SYT1: variants seen among roughly 807,000 people sequenced by gnomAD.
SYT1 encodes the protein synaptotagmin 1.
A neutral mutation model predicts 44.8 loss-of-function variants in SYT1; 8 were observed. The ratio of observed to expected loss-of-function variants is 0.18; its 90% CI spans 0.10 to 0.32. The LOEUF is 0.32. Among genes scored for constraint, SYT1 ranks in the 10% least tolerant of loss-of-function variants. SYT1 has a pLI of 1.00. For missense variants in SYT1, 286 were observed against 509.3 expected, an observed-to-expected ratio of 0.56 and a Z score of 4.22; for synonymous variants, 154 against 188.8, an observed-to-expected ratio of 0.82 and a Z score of 1.51.
At chr12:79,065,104 G>A (rs1339388310) in intron 3 of SYT1, among the ~76,000 whole-genome samples, 1 of 152,136 alleles carries the variant, frequency 6.6e-6, no homozygotes, top group Non-Finnish European at 1.5e-5. Flanking sequence ...CCAGCGTAGT[G>A]GCTTGTGCCT....
intron 4 of SYT1, among the ~76,000 whole-genome samples, chr12:79,281,325 A>G (rs536889015): frequency 4.9e-4 from 74 of 152,306 alleles, no homozygotes; most frequent in African/African-American, 1.7e-3. Context: ...ATATAGATAG[A>G]TAGATCATGG....
intron 3 of SYT1, among the ~76,000 whole-genome samples, chr12:79,134,985 CCA>C (rs201834566): frequency 6.1e-4 from 90 of 147,564 alleles, no homozygotes; most frequent in East Asian, 1.4e-3. Context: ...AATGTTCTCA[CCA>C]CACACACACA....
At chr12:79,179,919 G>C (rs536734494) in intron 3 of SYT1, among the ~76,000 whole-genome samples, 13 of 151,618 alleles carry the variant, frequency 8.6e-5, no homozygotes, top group African/African-American at 1.5e-4. Flanking sequence ...CTTTTTTATG[G>C]CTCCATAGTT....
At chr12:78,985,899 T>C (rs1323948554) in intron 2 of SYT1, among the ~76,000 whole-genome samples, 2 of 152,034 alleles carry the variant, frequency 1.3e-5, no homozygotes, top group African/African-American at 4.8e-5. Flanking sequence ...TCTATTTTTA[T>C]TTACCAACAA....
In SYT1 at chr12:79,233,620, C is replaced by T. The variant is rs962962294; in HGVS notation, c.166+15935C>T. On this transcript the variant is annotated intron_variant, in intron 4 of 10. Transcript: ENST00000261205. Reference sequence around the variant, plus strand: ...GATTGGAACTGTTCTGTCATCTCACCTTTCTACAGCTGCTGTCATTCATCC... The same window carrying T: ...GATTGGAACTGTTCTGTCATCTCACTTTTCTACAGCTGCTGTCATTCATCC... 9.2e-5 allele frequency among the ~76,000 whole-genome samples: 14 copies of T among 152,338 alleles called. No homozygotes were observed. The East Asian group carries it at 2.3e-3, about 25-fold the overall frequency.
chr12:78,914,073 T>C (rs1395600686), intron 1 of SYT1, among the ~76,000 whole-genome samples: 1 of 147,282 alleles, frequency 6.8e-6, no homozygotes, highest in Non-Finnish European at 1.5e-5. Context: ...TATAGGTAAA[T>C]TTATCAAAAT....
At chr12:79,131,571 T>C (rs1363415558) in intron 3 of SYT1, among the ~76,000 whole-genome samples, 1 of 152,198 alleles carries the variant, frequency 6.6e-6, no homozygotes, top group East Asian at 1.9e-4. Context: ...GATTGAACTT[T>C]AATTTTCATA....
intron 3 of SYT1, among the ~76,000 whole-genome samples, chr12:79,119,508 G>A (rs1879477276): frequency 6.6e-6 from 1 of 151,606 alleles, no homozygotes; most frequent in Admixed American, 6.6e-5. Flanking sequence ...CTTTTCTTCA[G>A]CTGAGAAGGT....
chr12:79,328,574 C>T (rs931917804), intron 8 of SYT1, among the ~76,000 whole-genome samples: 1 of 152,130 alleles, frequency 6.6e-6, no homozygotes, highest in Non-Finnish European at 1.5e-5. Flanking sequence ...TGGCCGGGTG[C>T]GGTGGCTCAC....
At chr12:79,105,172 TC>T (rs1332124329) in intron 3 of SYT1, among the ~76,000 whole-genome samples, 2 of 152,178 alleles carry the variant, frequency 1.3e-5, no homozygotes, top group Non-Finnish European at 2.9e-5. Flanking sequence ...CTCTTCCACC[TC>T]CTGTTTGTTT....
At chr12:79,442,961 A>G (rs1870512033) in intron 9 of SYT1, among the ~76,000 whole-genome samples, 2 of 152,206 alleles carry the variant, frequency 1.3e-5, no homozygotes, top group Admixed American at 1.3e-4. Flanking sequence ...GCATTACAAT[A>G]TGAAATGAAA....
intron 4 of SYT1, among the ~76,000 whole-genome samples, chr12:79,281,469 G>A (rs1453188853): frequency 6.6e-6 from 1 of 152,166 alleles, no homozygotes; most frequent in Non-Finnish European, 1.5e-5. Context: ...ACTTATAAGT[G>A]AAAGCTAAGC....
At position 79,179,438 on chromosome 12, in the gene SYT1, C is replaced by CTATAT. The variant is rs1491141173; in HGVS notation, c.-17-38065_-17-38064insTATAT. On this transcript the variant is annotated intron_variant, in intron 3 of 10. Transcript: ENST00000261205. ...TATAGATATATCTATATAGATATAT[C>CTATAT]CATATAGATATAGATATAATCTATA... Among the ~76,000 whole-genome samples, 45 of 63,302 alleles carry CTATAT rather than the reference C, an allele frequency of 7.1e-4. 5 individuals are homozygous for CTATAT. Among genetic ancestry groups the CTATAT allele is most frequent in the African/African-American group, 4.2e-3 (42 of 10,062 alleles). 41.5% of individuals were successfully genotyped at this position (63,302 alleles called of 152,430 possible). A position where few individuals can be genotyped will look rare whatever the true frequency, so the allele number is the denominator to read the frequency against.
intron 3 of SYT1, among the ~76,000 whole-genome samples, chr12:79,139,866 A>G (rs531742865): frequency 3.9e-5 from 6 of 152,350 alleles, no homozygotes; most frequent in African/African-American, 1.2e-4. Context: ...CTAGTCCTCC[A>G]TTACCAAATT....
intron 1 of SYT1, among the ~76,000 whole-genome samples, chr12:78,936,056 C>T (rs1323698800): frequency 6.6e-6 from 1 of 151,972 alleles, no homozygotes; most frequent in Non-Finnish European, 1.5e-5. Context: ...TTTTTAAAAG[C>T]TTGGAGAAAA....
At chr12:79,434,046 A>G (rs1016572712) in intron 9 of SYT1, among the ~76,000 whole-genome samples, 1 of 152,212 alleles carries the variant, frequency 6.6e-6, no homozygotes, top group African/African-American at 2.4e-5. Context: ...TTGGAATTCA[A>G]TGGTTTCCCC....
intron 8 of SYT1, among the ~76,000 whole-genome samples, chr12:79,336,564 T>C (rs1882098915): frequency 6.6e-6 from 1 of 152,144 alleles, no homozygotes; most frequent in Non-Finnish European, 1.5e-5. Flanking sequence ...ACAGAGGCCA[T>C]GGCAAGCTAG....
intron 9 of SYT1, among the ~76,000 whole-genome samples, chr12:79,388,842 A>T (rs983053968): frequency 4.6e-5 from 7 of 152,206 alleles, no homozygotes; most frequent in African/African-American, 1.7e-4. Context: ...ACGTCATGGA[A>T]ATTATTCTAT....
At chr12:79,011,901 G>A (rs1871432107) in intron 2 of SYT1, among the ~76,000 whole-genome samples, 1 of 152,034 alleles carries the variant, frequency 6.6e-6, no homozygotes, top group African/African-American at 2.4e-5. Context: ...CGGGGCTGAG[G>A]CGGGTGAATC....
Sources: gnomAD v4.1 joint callset for allele counts (sites outside exome capture counted in the v4.1 genomes callset) on GRCh38, gnomAD v4.1.1 for gene constraint, MANE v1.5 for transcripts, NCBI Gene and HGNC (gene_info 2026-07-23, HGNC 2026-07-21) for gene names.